Variants in ZCWPW2 observed in about 807,000 individuals in gnomAD.
The protein encoded by ZCWPW2 is zinc finger CW-type PWWP domain protein 2.
Under a neutral mutation model 46.6 loss-of-function variants are expected in ZCWPW2, and 45 were observed. That is an observed-to-expected ratio of 0.96 (90% CI 0.76 to 1.24). ZCWPW2 has a LOEUF of 1.24. ZCWPW2 is among the 50% of genes most tolerant of loss of function. The pLI is 0.00. For synonymous variants in ZCWPW2, 152 were observed against 137.1 expected, an observed-to-expected ratio of 1.11 and a Z score of -0.76; for missense variants, 429 against 403.9, an observed-to-expected ratio of 1.06 and a Z score of -0.53.
At chr3:28,474,618 TGTGCGCGCGCGC>T (rs1297712667) in intron 4 of ZCWPW2, among the ~76,000 whole-genome samples, 21 of 146,552 alleles carry the variant, frequency 1.4e-4, no homozygotes, top group African/African-American at 5.1e-4. Context: ...TGTGTGTGTG[TGTGCGCGCGCGC>T]GCGCGCGCAC....
chr3:28,422,583 G>T (rs1035712600), intron 3 of ZCWPW2, among the ~76,000 whole-genome samples: 1 of 152,048 alleles, frequency 6.6e-6, no homozygotes, highest in Non-Finnish European at 1.5e-5. Context: ...ATAGTCCATT[G>T]TCTATACATA....
intron 5 of ZCWPW2, among the ~76,000 whole-genome samples, chr3:28,479,883 T>C (rs767523218): frequency 2.6e-5 from 4 of 152,228 alleles, no homozygotes; most frequent in Non-Finnish European, 4.4e-5. Context: ...TAGTATTCCA[T>C]GGTGTACAGG....
At chr3:28,523,708 C>A (rs1700781780) in intron 9 of ZCWPW2, among the ~76,000 whole-genome samples, 1 of 152,076 alleles carries the variant, frequency 6.6e-6, no homozygotes, top group South Asian at 2.1e-4. Flanking sequence ...AGCTTATACA[C>A]ATAGATAATC....
At chr3:28,405,849 T>C (rs1038253613) in intron 2 of ZCWPW2, among the ~76,000 whole-genome samples, 7 of 152,126 alleles carry the variant, frequency 4.6e-5, no homozygotes, top group Non-Finnish European at 1.0e-4. Context: ...CTCAATCTTC[T>C]TAAAAAATAC....
intron 4 of ZCWPW2, among the ~76,000 whole-genome samples, chr3:28,439,175 A>G (rs1230037141): frequency 6.6e-6 from 1 of 151,150 alleles, no homozygotes; most frequent in African/African-American, 2.4e-5. Flanking sequence ...CTACATATAA[A>G]GGGGAGTTTA....
At chr3:28,392,806 A>G (rs1255007498) in intron 2 of ZCWPW2, among the ~76,000 whole-genome samples, 1 of 152,104 alleles carries the variant, frequency 6.6e-6, no homozygotes, top group Non-Finnish European at 1.5e-5. Context: ...TGATACAAAA[A>G]CAATACTAGG....
At chr3:28,387,811 T>C (rs149008364) in intron 1 of ZCWPW2, among the ~76,000 whole-genome samples, 33 of 152,292 alleles carry the variant, frequency 2.2e-4, no homozygotes, top group Admixed American at 6.5e-4. Context: ...TTTTAGAATC[T>C]AACCAAAAAC....
chr3:28,433,800 C>T (rs747823753), intron 3 of ZCWPW2, among the ~76,000 whole-genome samples: 1 of 151,006 alleles, frequency 6.6e-6, no homozygotes, highest in Admixed American at 6.6e-5. Flanking sequence ...AAACTTACTT[C>T]ATCACTTCAT....
intron 1 of ZCWPW2, among the ~76,000 whole-genome samples, chr3:28,380,970 A>ATATAT (rs1559480732): frequency 2.1e-4 from 3 of 14,464 alleles, no homozygotes; most frequent in Non-Finnish European, 3.5e-4. Context: ...ATATATATAT[A>ATATAT]TTTGGTATAT....
At chr3:28,465,916 G>A (rs56107762) in intron 4 of ZCWPW2, among the ~76,000 whole-genome samples, 8,757 of 152,136 alleles carry the variant, frequency 0.058, 312 homozygotes, top group South Asian at 0.095. Context: ...GCAAATACAT[G>A]GAATCAACCT....
chr3:28,378,238 A>G (rs1301543856), intron 1 of ZCWPW2, among the ~76,000 whole-genome samples: 1 of 152,026 alleles, frequency 6.6e-6, no homozygotes, highest in African/African-American at 2.4e-5. Context: ...AAAGTTAAAT[A>G]TACATCATAG....
chr3:28,399,282 C>T (rs1441345155), intron 2 of ZCWPW2, among the ~76,000 whole-genome samples: 1 of 152,150 alleles, frequency 6.6e-6, no homozygotes, highest in Non-Finnish European at 1.5e-5. Context: ...CAGCAAGACC[C>T]ACCCAAGGAG....
intron 4 of ZCWPW2, among the ~76,000 whole-genome samples, chr3:28,477,576 A>G (rs1223021624): frequency 3.3e-5 from 5 of 152,224 alleles, no homozygotes; most frequent in Non-Finnish European, 7.3e-5. Context: ...AAATGAAAGT[A>G]TTTATGTGTA....
Position 28,520,333 on chromosome 3 carries a change from T to A in ZCWPW2, c.785-659T>A, listed in dbSNP as rs561312761. 3.4e-4 allele frequency among the ~76,000 whole-genome samples: 52 copies of A among 152,274 alleles called. 1 individual carries two copies. The highest frequency in any genetic ancestry group is 9.6e-4 in the East Asian group (5 of 5,184). On this transcript the variant is annotated intron_variant, in intron 8 of 9. Coordinates refer to ENST00000383768, the MANE Select transcript of ZCWPW2 (RefSeq NM_001040432.4). ...GACTTTTATAAATGCAGTATTTTTTTAAAATAAAATTAGATTAGGCAATTA... is the reference window on the plus strand; with the variant it reads ...GACTTTTATAAATGCAGTATTTTTTAAAAATAAAATTAGATTAGGCAATTA...
At chr3:28,505,116 G>A (rs1327684207) in intron 6 of ZCWPW2, among the ~76,000 whole-genome samples, 3 of 152,088 alleles carry the variant, frequency 2.0e-5, no homozygotes, top group Non-Finnish European at 2.9e-5. Flanking sequence ...TTTTGTTTAG[G>A]GTGGGCTGGT....
chr3:28,503,628 A>T (rs377592245), intron 6 of ZCWPW2, among the ~76,000 whole-genome samples: 2 of 151,962 alleles, frequency 1.3e-5, no homozygotes, highest in African/African-American at 4.8e-5. Flanking sequence ...TCTATGCCTA[A>T]TAGTTACACT....
chr3:28,483,820 G>T (rs1699508373), intron 5 of ZCWPW2, among the ~76,000 whole-genome samples: 1 of 151,854 alleles, frequency 6.6e-6, no homozygotes, highest in Admixed American at 6.6e-5. Flanking sequence ...TTTATTTTTG[G>T]ATATTAACCT....
At chr3:28,454,739 G>T (rs1216309506) in intron 4 of ZCWPW2, among the ~76,000 whole-genome samples, 1 of 152,140 alleles carries the variant, frequency 6.6e-6, no homozygotes, top group Non-Finnish European at 1.5e-5. Context: ...TGCAATATTT[G>T]GTTTTCTGTT....
At chr3:28,521,319 G>C (rs1371196251) in intron 9 of ZCWPW2, among the ~76,000 whole-genome samples, 1 of 152,158 alleles carries the variant, frequency 6.6e-6, no homozygotes, top group Non-Finnish European at 1.5e-5. Context: ...AAAACAATCT[G>C]TGTTTAAGTA....
Sources: allele counts gnomAD v4.1 joint callset (sites outside exome capture counted in the v4.1 genomes callset), GRCh38; gene constraint gnomAD v4.1.1; transcripts MANE v1.5; gene names NCBI Gene and HGNC (gene_info 2026-07-23, HGNC 2026-07-21).